The following RBPJL variants were observed in gnomAD, a reference collection of about 807,000 sequenced individuals.
RBPJL encodes recombining binding protein suppressor of hairless-like protein.
In RBPJL, 50 loss-of-function variants were observed where a neutral mutation model predicts 57.6. The ratio of observed to expected loss-of-function variants is 0.87; its 90% CI spans 0.69 to 1.10. RBPJL has a LOEUF of 1.10. Ranked by LOEUF, RBPJL falls within the 50% of genes least tolerant of loss-of-function variation. The probability of loss-of-function intolerance (pLI) is 0.00; values close to 1 mark genes in which losing one functional copy is unlikely to be tolerated. For missense variants in RBPJL, 684 were observed against 693.7 expected (o/e 0.99, Z 0.16); for synonymous variants, 303 against 294.4 (o/e 1.03, Z -0.30).
chr20:45,316,614 C>A (rs1987482235), intron 11 of RBPJL, 34 bp downstream of exon 11: 2 of 1,517,132 alleles, frequency 1.3e-6, no homozygotes, highest in Middle Eastern at 2.0e-4. Flanking sequence ...TCTTGGGCCC[C>A]GGGGAGCAGG....
Position 45,316,591 on chromosome 20 carries a change from G to A in RBPJL, c.1280+11G>A, listed in dbSNP as rs1222429869. 23 of 1,520,394 alleles carry A rather than the reference G, an allele frequency of 1.5e-5. No homozygotes were observed. The highest frequency in any genetic ancestry group is 4.0e-4 in the Middle Eastern group (2 of 5,016). The allele number at this position is 1,520,394 out of a possible 1,614,324, so 94.2% of individuals were successfully genotyped here. A position where few individuals can be genotyped will look rare whatever the true frequency, so the allele number is the denominator to read the frequency against. ...AGAAACCATGTACAGGTACGGGGTG[G>A]TGAGGCAGCCTCTCTTGGGCCCCGG... On this transcript the variant is annotated intron_variant, in intron 11 of 11. Transcript: ENST00000343694.
At chr20:45,312,113 A>C in intron 5 of RBPJL, 108 bp from the exon 6 acceptor site, 1 of 1,472,668 alleles carries the variant, frequency 6.8e-7, no homozygotes. Flanking sequence ...TGGATGGTGG[A>C]GCTTCTGGTC....
chr20:45,308,504 A>G, intron 2 of RBPJL: 1 of 526,408 alleles, frequency 1.9e-6, no homozygotes, highest in Non-Finnish European at 3.4e-6. Context: ...ACAGCGGGAG[A>G]CTGGGGAGAC....
At chr20:45,313,429 C>A in intron 6 of RBPJL, 39 bp from the exon 7 acceptor site, 2 of 1,557,360 alleles carry the variant, frequency 1.3e-6, no homozygotes, top group South Asian at 2.4e-5. Flanking sequence ...CTAACCCTGA[C>A]CCTCACCCTC....
chr20:45,308,341 CGGGTG>C, intron 2 of RBPJL, 90 bp downstream of exon 2: 1 of 866,792 alleles, frequency 1.2e-6, no homozygotes, highest in Non-Finnish European at 1.9e-6. Context: ...CCAGGGCTGG[CGGGTG>C]GGGAGGGGAA....
Position 45,309,590 on chromosome 20 carries a change from T to C in RBPJL, c.155T>C (p.Ile52Thr). 1 of 1,612,676 alleles carries C rather than the reference T, an allele frequency of 6.2e-7. No individual in the cohort carries two copies. The highest frequency in any genetic ancestry group is 2.2e-5 in the East Asian group (1 of 44,756). The change falls in exon 3 of 12, where the codon ATT becomes ACT. Residue 52 changes from isoleucine to threonine, a missense_variant. Coordinates refer to ENST00000343694, the MANE Select transcript of RBPJL (RefSeq NM_014276.4). ...WTRSSPEHTTILRGGVRRCLQ... is the reference protein window; with the variant it reads ...WTRSSPEHTTTLRGGVRRCLQ... ...AGGTCATCCCCAGAGCACACCACCA[T>C]TCTGAGGGGAGGCGTGCGCAGGTGC...
chr20:45,316,507 G>T lies in RBPJL; in HGVS notation c.1207G>T (p.Glu403Ter), dbSNP rs1987474971. The change falls in exon 11 of 12, where the codon GAG (glutamate) becomes TAG (stop). Residue 403 changes from glutamate to a stop codon, truncating the protein, a stop_gained. Coordinates refer to ENST00000343694, the MANE Select transcript of RBPJL (RefSeq NM_014276.4). LOFTEE classifies it high-confidence loss of function. ...CGGCGGGGGCGACGTGGCCACGCTG[G>T]AGCTCCACGGAGAGAACTTCCACGC... is the stretch of plus-strand genomic sequence containing the variant. ...LSGGGDVATL[E>*]LHGENFHAGL... The T allele has an allele frequency of 6.5e-7, 1 of 1,542,674 alleles. No individual in the cohort carries two copies.
chr20:45,306,997 G>GGGC, intron 1 of RBPJL, 53 bp downstream of exon 1: 1 of 1,127,932 alleles, frequency 8.9e-7, no homozygotes, highest in East Asian at 3.2e-5. Context: ...AACTACGAAG[G>GGGC]ACCACCCCCC....
intron 6 of RBPJL, 81 bp downstream of exon 6, chr20:45,312,476 T>A: frequency 7.1e-7 from 1 of 1,416,334 alleles, no homozygotes; most frequent in Non-Finnish European, 9.6e-7. Context: ...GGCGCGGAGG[T>A]GGGGGTAGGC....
At position 45,313,641 on chromosome 20, in the gene RBPJL, C is replaced by T. The variant is rs1053024219; in HGVS notation, c.757+36C>T. 1.9e-6 allele frequency: 3 copies of T among 1,552,404 alleles called. No individual in the cohort carries two copies. The African/African-American group carries it at 4.1e-5, about 21-fold the overall frequency. On this transcript the variant is annotated intron_variant, in intron 7 of 11. Coordinates refer to ENST00000343694, the MANE Select transcript of RBPJL (RefSeq NM_014276.4). ...CTGCAGGCCCTGGAGCTGGGCACTT[C>T]ACATGCATTAGCTTATTTAACCTCC...
chr20:45,312,959 G>A (rs1987263162), intron 6 of RBPJL, among the ~76,000 whole-genome samples: 1 of 150,964 alleles, frequency 6.6e-6, no homozygotes, highest in African/African-American at 2.4e-5. Context: ...AGTGAGCTGT[G>A]ATAGCACCAC....
intron 5 of RBPJL, 39 bp from the exon 6 acceptor site, chr20:45,312,182 G>T: frequency 1.9e-6 from 3 of 1,613,462 alleles, no homozygotes; most frequent in Non-Finnish European, 2.5e-6. Context: ...GACGGGGGAG[G>T]GCTGGGATGA....
intron 2 of RBPJL, 99 bp downstream of exon 2, chr20:45,308,350 A>AGGGGAAGT (rs79102279): frequency 0.18 from 137,602 of 764,260 alleles, 14,908 homozygotes; most frequent in Middle Eastern, 0.26. Context: ...GCGGGTGGGG[A>AGGGGAAGT]GGGGAAGTGC....
intron 7 of RBPJL, 28 bp from the exon 8 acceptor site, chr20:45,314,007 C>T (rs1987326623): frequency 6.5e-7 from 1 of 1,547,214 alleles, no homozygotes; most frequent in African/African-American, 1.4e-5. Flanking sequence ...CGCTGAAAAC[C>T]TTGTCCCTTG....
At chr20:45,315,497 T>C (rs1192086179) in intron 9 of RBPJL, among the ~76,000 whole-genome samples, 2 of 151,708 alleles carry the variant, frequency 1.3e-5, no homozygotes, top group African/African-American at 4.8e-5. Context: ...TCACAATACT[T>C]TGGGAGGCTG....
chr20:45,311,812 G>A, intron 4 of RBPJL, 27 bp from the exon 5 acceptor site: 4 of 1,543,076 alleles, frequency 2.6e-6, no homozygotes, highest in Non-Finnish European at 3.5e-6. Context: ...CCGAGTCCTT[G>A]CAGAGCCAGT....
Position 45,316,929 on chromosome 20 carries a change from C to G in RBPJL, c.1524C>G (p.Arg508=). 6.2e-7 allele frequency: 1 copy of G among 1,612,796 alleles called. No homozygotes were observed. Among genetic ancestry groups the G allele is most frequent in the South Asian group, 1.1e-5 (1 of 91,002 alleles). ...AGAGCATCCATCAGGAGTTCACGCGCACCAACTTCCACCTCTTCATCCAGA... is the reference window on the plus strand; with the variant it reads ...AGAGCATCCATCAGGAGTTCACGCGGACCAACTTCCACCTCTTCATCCAGA... The part of the protein sequence containing the change: ...LLESIHQEFT[R]TNFHLFIQT Residue 508 remains arginine, a synonymous_variant, in exon 12 of 12, where the codon CGC becomes CGG. Coordinates refer to ENST00000343694, the MANE Select transcript of RBPJL (RefSeq NM_014276.4).
chr20:45,307,847 T>TA (rs1327433500), intron 1 of RBPJL, among the ~76,000 whole-genome samples: 3 of 151,806 alleles, frequency 2.0e-5, no homozygotes, highest in Non-Finnish European at 4.4e-5. Context: ...ATCCTTGCAT[T>TA]AAAAAAAGAA....
chr20:45,313,894 T>C, intron 7 of RBPJL, 141 bp from the exon 8 acceptor site: 1 of 724,304 alleles, frequency 1.4e-6, no homozygotes. Context: ...ATTAGAACCT[T>C]CAGTTGGCTC....
Sources: allele counts gnomAD v4.1 joint callset (sites outside exome capture counted in the v4.1 genomes callset), GRCh38; gene constraint gnomAD v4.1.1; transcripts MANE v1.5; gene names NCBI Gene and HGNC (gene_info 2026-07-23, HGNC 2026-07-21).